The following EYA1 variants were observed in gnomAD, a reference collection of about 807,000 sequenced individuals.
The protein encoded by EYA1 is protein phosphatase EYA1.
EYA1 carries 16 observed loss-of-function variants against 82.0 expected under a neutral mutation model. That is an observed-to-expected ratio of 0.20 (90% confidence interval 0.13 to 0.30). EYA1 has a LOEUF of 0.30. EYA1 is among the 10% of genes least tolerant of loss of function. EYA1 has a pLI of 1.00. For missense variants in EYA1, 633 were observed against 730.7 expected (o/e 0.87, Z 1.54); for synonymous variants, 261 against 264.4 (o/e 0.99, Z 0.12).
At chr8:71,498,778 A>C (rs1160972855) in intron 2 of EYA1, among the ~76,000 whole-genome samples, 1 of 152,206 alleles carries the variant, frequency 6.6e-6, no homozygotes, top group Non-Finnish European at 1.5e-5. Flanking sequence ...AGGACCCTGG[A>C]AAGTCCTTGA....
chr8:71,299,314 T>C lies in EYA1; in HGVS notation c.640-81A>G, dbSNP rs113788118. On this transcript the variant is annotated intron_variant, in intron 8 of 17. Coordinates refer to ENST00000340726, the MANE Select transcript of EYA1 (RefSeq NM_000503.6). ...ACATATCAAAGTGTAACTGTAAGTA[T>C]GTTTGGGTTTCTGAGCCTTTTCTGA... is the stretch of plus-strand genomic sequence containing the variant. 687 of 1,448,290 alleles carry C rather than the reference T, an allele frequency of 4.7e-4. 3 individuals are homozygous for C. In the African/African-American group the frequency reaches 8.5e-3, roughly 18 times the overall value. 89.7% of individuals were successfully genotyped at this position (1,448,290 alleles called of 1,614,324 possible).
At chr8:71,376,595 G>C (rs1340300149) in intron 2 of EYA1, among the ~76,000 whole-genome samples, 1 of 152,110 alleles carries the variant, frequency 6.6e-6, no homozygotes, top group Non-Finnish European at 1.5e-5. Context: ...CTGGGCAACT[G>C]ATGATATGTG....
intron 2 of EYA1, among the ~76,000 whole-genome samples, chr8:71,371,990 A>T (rs922450792): frequency 6.6e-6 from 1 of 152,160 alleles, no homozygotes; most frequent in Non-Finnish European, 1.5e-5. Context: ...GTTTTCCAAC[A>T]CCCAGATAAC....
intron 11 of EYA1, among the ~76,000 whole-genome samples, chr8:71,245,786 C>A (rs1035460848): frequency 6.6e-6 from 1 of 152,174 alleles, no homozygotes; most frequent in African/African-American, 2.4e-5. Flanking sequence ...TCTGACCCCA[C>A]CAGGCACTGT....
In EYA1 at chr8:71,276,143, A is replaced by C. The variant is rs147765968; in HGVS notation, c.827-4246T>G. On this transcript the variant is annotated intron_variant, in intron 9 of 17. Coordinates refer to ENST00000340726, the MANE Select transcript of EYA1 (RefSeq NM_000503.6). ...AAAAATATAGTCAGCTGAAGAAAAC[A>C]CTATGTAACGTCATTGATTACTTAG... Among the ~76,000 whole-genome samples the C allele has an allele frequency of 2.2e-3, 335 of 152,364 alleles. 3 individuals carry two copies. The highest frequency in any genetic ancestry group is 7.7e-3 in the African/African-American group (321 of 41,592).
intron 2 of EYA1, among the ~76,000 whole-genome samples, chr8:71,502,537 C>T (rs992310390): frequency 6.6e-6 from 1 of 152,194 alleles, no homozygotes; most frequent in Non-Finnish European, 1.5e-5. Context: ...TGAGTATAAG[C>T]ATGTCCCATG....
chr8:71,244,090 G>A (rs981248414), intron 12 of EYA1, among the ~76,000 whole-genome samples: 1 of 152,184 alleles, frequency 6.6e-6, no homozygotes, highest in Non-Finnish European at 1.5e-5. Context: ...AGTCTGCCCT[G>A]AAATCATAAT....
intron 11 of EYA1, among the ~76,000 whole-genome samples, chr8:71,260,589 G>T (rs937774718): frequency 1.3e-5 from 2 of 152,142 alleles, no homozygotes; most frequent in Non-Finnish European, 2.9e-5. Context: ...TGAGACAGGA[G>T]TTATCAGAAG....
rs146356299 is a variant in EYA1 at position 71,321,753 on chromosome 8, C to T, written c.399G>A (p.Pro133=). 168 of 1,614,024 alleles carry T rather than the reference C, an allele frequency of 1.0e-4. No homozygotes were observed. Among genetic ancestry groups the T allele is most frequent in the South Asian group, 3.1e-4 (28 of 91,084 alleles). Residue 133 remains proline (P), a synonymous_variant, in exon 6 of 18, where the codon CCG becomes CCA. Transcript: ENST00000340726. ...ACTCACCATATGAGGAAATGCCGTA[C>T]GGCTGTCCTGGCTGTGGGTACGTGG... The part of the protein sequence containing the change: ...AYATYPQPGQ[P]YGISSYGALW...
chr8:71,428,587 T>A (rs1421278971), intron 2 of EYA1, among the ~76,000 whole-genome samples: 1 of 152,148 alleles, frequency 6.6e-6, no homozygotes, highest in East Asian at 1.9e-4. Flanking sequence ...TAGAACAAGA[T>A]CCTGCTATAG....
chr8:71,209,752 G>A (rs919318175), intron 17 of EYA1, among the ~76,000 whole-genome samples: 1 of 152,140 alleles, frequency 6.6e-6, no homozygotes, highest in African/African-American at 2.4e-5. Flanking sequence ...ATGAGGGAGT[G>A]TGTAAGGAAG....
chr8:71,410,950 G>A (rs1272887270), intron 2 of EYA1, among the ~76,000 whole-genome samples: 2 of 22,836 alleles, frequency 8.8e-5, no homozygotes, highest in East Asian at 3.1e-3. Flanking sequence ...GAACAAAGCT[G>A]GAGGCATCAC....
At chr8:71,305,884 G>A (rs146379152) in intron 7 of EYA1, among the ~76,000 whole-genome samples, 31 of 151,818 alleles carry the variant, frequency 2.0e-4, no homozygotes, top group African/African-American at 5.3e-4. Flanking sequence ...ACACGCATAC[G>A]CACACACACA....
intron 2 of EYA1, among the ~76,000 whole-genome samples, chr8:71,493,750 G>A (rs1192656646): frequency 6.6e-6 from 1 of 151,402 alleles, no homozygotes; most frequent in African/African-American, 2.4e-5. Flanking sequence ...TTGGCCGGGC[G>A]CGGTGGCTCA....
At chr8:71,345,945 C>A (rs529521959) in intron 3 of EYA1, among the ~76,000 whole-genome samples, 1 of 152,254 alleles carries the variant, frequency 6.6e-6, no homozygotes, top group South Asian at 2.1e-4. Flanking sequence ...TCTTTGGTGT[C>A]TAAACCCCAT....
At chr8:71,471,223 A>C (rs1809180326) in intron 2 of EYA1, among the ~76,000 whole-genome samples, 1 of 152,072 alleles carries the variant, frequency 6.6e-6, no homozygotes, top group African/African-American at 2.4e-5. Context: ...GATCATCTAG[A>C]TAATATGAAC....
At chr8:71,545,180 C>T (rs924258115) in intron 1 of EYA1, among the ~76,000 whole-genome samples, 1 of 152,184 alleles carries the variant, frequency 6.6e-6, no homozygotes, top group African/African-American at 2.4e-5. Context: ...CCTGCTTTTT[C>T]ATCAGTACAA....
chr8:71,383,924 A>G (rs2129102909), intron 2 of EYA1, among the ~76,000 whole-genome samples: 1 of 152,260 alleles, frequency 6.6e-6, no homozygotes, highest in African/African-American at 2.4e-5. Flanking sequence ...TAATTTTTAT[A>G]TTTTAAAACT....
At chr8:71,200,052 C>A (rs1177997762) in intron 17 of EYA1, 11 of 157,628 alleles carry the variant, frequency 7.0e-5, no homozygotes, top group Middle Eastern at 3.1e-3. Flanking sequence ...GTTTGTGATA[C>A]ACGTGAATAA....
Sources: gnomAD v4.1 joint callset for allele counts (sites outside exome capture counted in the v4.1 genomes callset) on GRCh38, gnomAD v4.1.1 for gene constraint, MANE v1.5 for transcripts, NCBI Gene and HGNC (gene_info 2026-07-23, HGNC 2026-07-21) for gene names.